PLPPR1: variants seen among roughly 807,000 people sequenced by gnomAD.
PLPPR1 encodes the protein phospholipid phosphatase related 1.
Under a neutral mutation model 33.1 loss-of-function variants are expected in PLPPR1, and 10 were observed. The observed-to-expected ratio is 0.30, with a 90% CI of 0.19 to 0.51. The LOEUF is 0.51. PLPPR1 is among the 20% of genes least tolerant of loss of function. PLPPR1 has a pLI of 0.97. For synonymous variants in PLPPR1, 151 were observed against 151.0 expected (o/e 1.00, Z 0.00); for missense variants, 304 against 408.1 (o/e 0.74, Z 2.20).
At chr9:101,154,343 A>C (rs188947378) in intron 1 of PLPPR1, among the ~76,000 whole-genome samples, 1 of 151,968 alleles carries the variant, frequency 6.6e-6, no homozygotes, top group East Asian at 1.9e-4. Flanking sequence ...CTGGTCCTGG[A>C]CTTTTTTTGG....
intron 1 of PLPPR1, among the ~76,000 whole-genome samples, chr9:101,169,338 A>C (rs986465484): frequency 4.6e-4 from 39 of 84,806 alleles, no homozygotes; most frequent in African/African-American, 1.6e-3. Context: ...GTGCCCTTCT[A>C]CTTTTTGTGG....
At chr9:101,239,614 G>A (rs1827409394) in intron 2 of PLPPR1, among the ~76,000 whole-genome samples, 1 of 151,936 alleles carries the variant, frequency 6.6e-6, no homozygotes, top group African/African-American at 2.4e-5. Flanking sequence ...TTCTAACTGG[G>A]ATGAGAAAAT....
At chr9:101,202,016 T>G (rs1826502954) in intron 2 of PLPPR1, among the ~76,000 whole-genome samples, 1 of 152,222 alleles carries the variant, frequency 6.6e-6, no homozygotes, top group Non-Finnish European at 1.5e-5. Flanking sequence ...CAGATAGTTT[T>G]GACTCTCTTC....
intron 1 of PLPPR1, among the ~76,000 whole-genome samples, chr9:101,114,818 G>C (rs929274669): frequency 6.6e-6 from 1 of 152,206 alleles, no homozygotes; most frequent in Non-Finnish European, 1.5e-5. Flanking sequence ...AGGGGTTACT[G>C]TTTCTCCAGC....
At position 101,089,195 on chromosome 9, in the gene PLPPR1, A is replaced by G. The variant is rs139673726; in HGVS notation, c.-46+60093A>G. ...TCAATCCTCACAACAGCCAAATGAG[A>G]AAGTTCTTATTCTCATTTTACAGAT... On this transcript the variant is annotated intron_variant, in intron 1 of 7. Coordinates refer to ENST00000374874, the MANE Select transcript of PLPPR1 (RefSeq NM_207299.2). 3.7e-4 allele frequency among the ~76,000 whole-genome samples: 56 copies of G among 152,252 alleles called. 1 individual carries two copies. Among genetic ancestry groups the G allele is most frequent in the African/African-American group, 1.3e-3 (55 of 41,570 alleles).
chr9:101,110,844 A>T (rs1229536493), intron 1 of PLPPR1, among the ~76,000 whole-genome samples: 2 of 152,120 alleles, frequency 1.3e-5, no homozygotes, highest in African/African-American at 2.4e-5. Flanking sequence ...AAGAGCCTTA[A>T]GATGTATACC....
Position 101,270,305 on chromosome 9 carries a change from T to A in PLPPR1, c.252+237T>A, listed in dbSNP as rs76889921. ...TGAATTTTAAAAAGATGTTTTTTTTTAAAAAGCATGTGAGAATGTTATAAA... is the reference window on the plus strand; with the variant it reads ...TGAATTTTAAAAAGATGTTTTTTTTAAAAAAGCATGTGAGAATGTTATAAA... On this transcript the variant is annotated intron_variant, in intron 3 of 7. Transcript: ENST00000374874. Among the ~76,000 whole-genome samples the A allele has an allele frequency of 5.0e-3, 754 of 150,990 alleles. 3 individuals are homozygous for A. The highest frequency in any genetic ancestry group is 0.015 in the African/African-American group (607 of 40,362).
chr9:101,181,628 G>GTA (rs1554732862), intron 1 of PLPPR1, among the ~76,000 whole-genome samples: 15 of 146,512 alleles, frequency 1.0e-4, no homozygotes, highest in Non-Finnish European at 1.4e-4. Flanking sequence ...GTGTGTGTGT[G>GTA]TGTGTATGTG....
chr9:101,267,140 A>C (rs1466212394), intron 2 of PLPPR1, among the ~76,000 whole-genome samples: 1 of 152,112 alleles, frequency 6.6e-6, no homozygotes, highest in Non-Finnish European at 1.5e-5. Flanking sequence ...GAGCCTTAAA[A>C]CTGTTGGAAG....
At chr9:101,228,307 G>C (rs936989149) in intron 2 of PLPPR1, among the ~76,000 whole-genome samples, 6 of 152,090 alleles carry the variant, frequency 3.9e-5, no homozygotes, top group Non-Finnish European at 8.8e-5. Flanking sequence ...CCAAAGCTGT[G>C]GTTCAAATGC....
rs553324474 is a variant in PLPPR1, at chr9:101,316,616, C to CAAAAAAAAAAAAAAA, written c.814-737_814-736insAAAAAAAAAAAAAAA. On this transcript the variant is annotated intron_variant, in intron 6 of 7. Transcript: ENST00000374874. ...AGGGAAAAGGAGGGTTCTTCTTGGG[C>CAAAAAAAAAAAAAAA]AAAAAAAAAAAAGCAGGGAAGATGG... Among the ~76,000 whole-genome samples the CAAAAAAAAAAAAAAA allele has an allele frequency of 9.8e-4, 81 of 82,464 alleles. 5 individuals carry two copies. Among genetic ancestry groups the CAAAAAAAAAAAAAAA allele is most frequent in the African/African-American group, 2.2e-3 (37 of 17,190 alleles). The allele number at this position is 82,464 out of a possible 152,430, so 54.1% of individuals were successfully genotyped here.
rs1044577881 is a variant in PLPPR1, at chr9:101,169,752, A to G, written c.-45-15698A>G. On this transcript the variant is annotated intron_variant, in intron 1 of 7. Transcript: ENST00000374874. ...ATAATCTAAAGTGATTTTTTTCATA[A>G]TAATGAAGTCCCAGAGGTAGAATTC... 7.2e-4 allele frequency among the ~76,000 whole-genome samples: 109 copies of G among 152,104 alleles called. 2 individuals carry two copies. The highest frequency in any genetic ancestry group is 1.0e-4 in the Non-Finnish European group (7 of 68,020).
chr9:101,268,625 G>C (rs1223630518), intron 2 of PLPPR1, among the ~76,000 whole-genome samples: 1 of 152,178 alleles, frequency 6.6e-6, no homozygotes. Flanking sequence ...ACACTAACCA[G>C]CTGTGTGGCC....
chr9:101,143,183 G>A (rs1831475911), intron 1 of PLPPR1, among the ~76,000 whole-genome samples: 1 of 152,082 alleles, frequency 6.6e-6, no homozygotes, highest in Non-Finnish European at 1.5e-5. Flanking sequence ...GTGTCATATT[G>A]TTGCTCTAAC....
rs544237633 is a variant in PLPPR1, at chr9:101,089,398, ATACTAT to A, written c.-46+60299_-46+60304del. On this transcript the variant is annotated intron_variant, in intron 1 of 7. Transcript: ENST00000374874. Reference sequence around the variant, plus strand: ...AGTTTAATTAAATATATTTTGAAAAATACTATTAGTATTCTCATGATTATATTCACT... The same window carrying A: ...AGTTTAATTAAATATATTTTGAAAAATAGTATTCTCATGATTATATTCACT... 1.3e-3 allele frequency among the ~76,000 whole-genome samples: 194 copies of A among 152,276 alleles called. 1 individual carries two copies. The highest frequency in any genetic ancestry group is 4.5e-3 in the African/African-American group (187 of 41,564).
chr9:101,043,357 G>GTATGTATATACA (rs1830104862), intron 1 of PLPPR1, among the ~76,000 whole-genome samples: 1 of 150,018 alleles, frequency 6.7e-6, no homozygotes, highest in African/African-American at 2.5e-5. Flanking sequence ...ATGTGTATGT[G>GTATGTATATACA]TATGTATATA....
At chr9:101,205,857 C>G (rs1414873003) in intron 2 of PLPPR1, among the ~76,000 whole-genome samples, 6 of 152,186 alleles carry the variant, frequency 3.9e-5, no homozygotes, top group Non-Finnish European at 8.8e-5. Context: ...CAGGTTCAGA[C>G]AAACATGAGT....
rs12342480 is a variant in PLPPR1, at chr9:101,073,405, A to G, written c.-46+44303A>G. ...TTGGCAACTTTTCAGGGCTACATGT[A>G]AAGGAGAATTTACATGTTTCATTAA... is the stretch of plus-strand genomic sequence containing the variant. On this transcript the variant is annotated intron_variant, in intron 1 of 7. Transcript: ENST00000374874. Among the ~76,000 whole-genome samples the G allele has an allele frequency of 5.4e-3, 819 of 152,230 alleles. 10 individuals carry two copies. The highest frequency in any genetic ancestry group is 0.019 in the African/African-American group (769 of 41,542).
At chr9:101,084,761 C>T (rs919436379) in intron 1 of PLPPR1, among the ~76,000 whole-genome samples, 1 of 152,156 alleles carries the variant, frequency 6.6e-6, no homozygotes, top group East Asian at 1.9e-4. Flanking sequence ...TAGTGCCTAT[C>T]CTTAAGAAAT....
Sources: allele counts gnomAD v4.1 joint callset (sites outside exome capture counted in the v4.1 genomes callset), GRCh38; gene constraint gnomAD v4.1.1; transcripts MANE v1.5; gene names NCBI Gene and HGNC (gene_info 2026-07-23, HGNC 2026-07-21).